The following CCDC91 variants were observed in gnomAD, a reference collection of about 807,000 sequenced individuals.
CCDC91 encodes coiled-coil domain-containing protein 91.
In CCDC91, 48 loss-of-function variants were observed where a neutral mutation model predicts 63.2. That is an observed-to-expected ratio of 0.76 (90% CI 0.60 to 0.97). The LOEUF (loss-of-function observed/expected upper bound fraction) is 0.97. Ranked by LOEUF, CCDC91 falls within the 50% of genes least tolerant of loss-of-function variation. The probability of loss-of-function intolerance (pLI) is 0.00; values close to 1 mark genes in which losing one functional copy is unlikely to be tolerated. For synonymous variants in CCDC91, 167 were observed against 165.8 expected (o/e 1.01, Z -0.06); for missense variants, 500 against 494.6 (o/e 1.01, Z -0.10).
chr12:28,312,197 G>T (rs1565780010), intron 6 of CCDC91, among the ~76,000 whole-genome samples: 1 of 151,392 alleles, frequency 6.6e-6, no homozygotes. Flanking sequence ...CTTTGAGTCG[G>T]TTTTTTTTGG....
rs546520655 is a variant in CCDC91, at chr12:28,370,238, C to T, written c.654+7723C>T. ...ATCTCTTTGTGAATGTATGACTGTGCACTTTCAGAAAAAGTTCACTTCTAG... is the reference window on the plus strand; with the variant it reads ...ATCTCTTTGTGAATGTATGACTGTGTACTTTCAGAAAAAGTTCACTTCTAG... On this transcript the variant is annotated intron_variant, in intron 7 of 12. Transcript: ENST00000536442. 9.9e-5 allele frequency among the ~76,000 whole-genome samples: 15 copies of T among 152,282 alleles called. No individual in the cohort carries two copies. The South Asian group carries it at 3.1e-3, about 32-fold the overall frequency.
At chr12:28,348,318 C>T (rs370239809) in intron 6 of CCDC91, among the ~76,000 whole-genome samples, 1 of 152,202 alleles carries the variant, frequency 6.6e-6, no homozygotes, top group Admixed American at 6.5e-5. Context: ...TAGAACAGTT[C>T]CTACTGGCAT....
chr12:28,226,777 AT>A lies in CCDC91; in HGVS notation c.-14-30422del, dbSNP rs1414059294. Among the ~76,000 whole-genome samples the A allele has an allele frequency of 3.9e-5, 6 of 151,998 alleles. No homozygotes were observed. The East Asian group carries it at 1.2e-3, about 29-fold the overall frequency. ...CAGGTTACTGTCTAGGTTATCATAC[AT>A]TTAGTGGTCATATCTCCTTAGGCTG... On this transcript the variant is annotated intron_variant, in intron 1 of 12. Coordinates refer to ENST00000536442, the MANE Select transcript of CCDC91 (RefSeq NM_018318.5).
chr12:28,205,730 G>A (rs1942795255), intron 1 of CCDC91, among the ~76,000 whole-genome samples: 1 of 152,166 alleles, frequency 6.6e-6, no homozygotes, highest in Non-Finnish European at 1.5e-5. Flanking sequence ...GCTGGAATTG[G>A]CTAAGACTCA....
chr12:28,517,215 T>C (rs561058302), intron 12 of CCDC91, among the ~76,000 whole-genome samples: 1 of 152,114 alleles, frequency 6.6e-6, no homozygotes, highest in East Asian at 1.9e-4. Flanking sequence ...TATAATTGTT[T>C]TTCCCAAATG....
intron 11 of CCDC91, among the ~76,000 whole-genome samples, chr12:28,480,942 A>G (rs1566042069): frequency 1.3e-5 from 2 of 152,070 alleles, no homozygotes; most frequent in Non-Finnish European, 2.9e-5. Context: ...ATGCTAAAGC[A>G]TAACTATACT....
intron 6 of CCDC91, among the ~76,000 whole-genome samples, chr12:28,323,896 A>C (rs1386563397): frequency 2.6e-5 from 4 of 151,948 alleles, no homozygotes; most frequent in Admixed American, 2.6e-4. Flanking sequence ...TTGGTATGTC[A>C]GCATAGGATG....
chr12:28,221,976 CCT>C (rs1943982390), intron 1 of CCDC91, among the ~76,000 whole-genome samples: 1 of 152,124 alleles, frequency 6.6e-6, no homozygotes, highest in Non-Finnish European at 1.5e-5. Context: ...TACTCTTTGG[CCT>C]GGAAACTGAC....
intron 3 of CCDC91, chr12:28,304,653 G>C (rs1367436778): frequency 7.8e-7 from 1 of 1,276,942 alleles, no homozygotes; most frequent in Non-Finnish European, 1.0e-6. Flanking sequence ...ATTGTGAGCT[G>C]CCTTCCAGAG....
chr12:28,328,029 G>A (rs1030231843), intron 6 of CCDC91, among the ~76,000 whole-genome samples: 1 of 152,060 alleles, frequency 6.6e-6, no homozygotes, highest in Non-Finnish European at 1.5e-5. Flanking sequence ...TAATATAGGG[G>A]CACTCTGTTA....
At position 28,450,401 on chromosome 12, in the gene CCDC91, T is replaced by C. The variant is rs1949744716; in HGVS notation, c.907T>C (p.Leu303=). The C allele has an allele frequency of 6.2e-7, 1 of 1,611,650 alleles. No homozygotes were observed. Among genetic ancestry groups the C allele is most frequent in the Admixed American group, 1.7e-5 (1 of 59,952 alleles). ...EEERQRNKEA[L]VSAAKLEKEA... ...AGAAAGGCAAAGAAATAAAGAGGCA[T>C]TAGTATCCGCTGCAAAGGTATTTCC... Residue 303 remains leucine, a synonymous_variant, in exon 10 of 13, where the codon TTA becomes CTA. Coordinates refer to ENST00000536442, the MANE Select transcript of CCDC91 (RefSeq NM_018318.5).
chr12:28,489,304 G>A (rs1951878441), intron 12 of CCDC91, among the ~76,000 whole-genome samples: 1 of 151,808 alleles, frequency 6.6e-6, no homozygotes, highest in African/African-American at 2.4e-5. Context: ...GATCATTAGT[G>A]CCATAAATTT....
At chr12:28,320,329 A>G (rs1386812839) in intron 6 of CCDC91, among the ~76,000 whole-genome samples, 1 of 151,842 alleles carries the variant, frequency 6.6e-6, no homozygotes, top group Non-Finnish European at 1.5e-5. Flanking sequence ...CAGAGTGCAC[A>G]CAGACTTTTT....
At chr12:28,277,346 T>C (rs1258801371) in intron 3 of CCDC91, among the ~76,000 whole-genome samples, 2 of 152,030 alleles carry the variant, frequency 1.3e-5, no homozygotes, top group Non-Finnish European at 2.9e-5. Context: ...AAATTTTTGG[T>C]ATGTCAGATG....
intron 6 of CCDC91, among the ~76,000 whole-genome samples, chr12:28,347,907 G>T (rs115059791): frequency 5.2e-4 from 79 of 152,294 alleles, no homozygotes; most frequent in African/African-American, 1.8e-3. Flanking sequence ...AATCTAGTGG[G>T]GACACTCCTT....
At chr12:28,350,858 TA>T (rs745706178) in intron 6 of CCDC91, among the ~76,000 whole-genome samples, 28 of 152,318 alleles carry the variant, frequency 1.8e-4, no homozygotes, top group South Asian at 1.2e-3. Flanking sequence ...TTTTCTCTTA[TA>T]AGGGAATCAG....
intron 6 of CCDC91, among the ~76,000 whole-genome samples, chr12:28,347,427 G>C (rs1437929734): frequency 6.6e-6 from 1 of 152,108 alleles, no homozygotes; most frequent in East Asian, 1.9e-4. Flanking sequence ...CCTTTGGAAG[G>C]GACATTAGAA....
chr12:28,418,616 T>C (rs546418708), intron 8 of CCDC91, among the ~76,000 whole-genome samples: 1 of 152,232 alleles, frequency 6.6e-6, no homozygotes, highest in South Asian at 2.1e-4. Context: ...ATTGAAATTA[T>C]TATTATGTTA....
rs570759572 is a variant in CCDC91, at chr12:28,536,191, G to T, written c.1216-12872G>T. Among the ~76,000 whole-genome samples the T allele has an allele frequency of 5.1e-5, 5 of 98,230 alleles. 1 individual carries two copies. In the South Asian group the frequency reaches 1.5e-3, roughly 30 times the overall value. 64.4% of individuals were successfully genotyped at this position (98,230 alleles called of 152,430 possible). A position where few individuals can be genotyped will look rare whatever the true frequency, so the allele number is the denominator to read the frequency against. The stretch of plus-strand genomic sequence containing the variant: ...AATCAAATATAGTAGGCCAGTGTTA[G>T]TTGACAAGAAAAGAGAATGACTGAA... On this transcript the variant is annotated intron_variant, in intron 12 of 12. Transcript: ENST00000536442.
Sources: allele counts gnomAD v4.1 joint callset (sites outside exome capture counted in the v4.1 genomes callset), GRCh38; gene constraint gnomAD v4.1.1; transcripts MANE v1.5; gene names NCBI Gene and HGNC (gene_info 2026-07-23, HGNC 2026-07-21).